The following RXFP1 variants were observed in gnomAD, a reference collection of about 807,000 sequenced individuals.
RXFP1 encodes relaxin receptor 1.
A neutral mutation model predicts 89.8 loss-of-function variants in RXFP1; 73 were observed. The observed-to-expected ratio is 0.81, with a 90% CI of 0.67 to 0.99. The LOEUF (loss-of-function observed/expected upper bound fraction) is 0.99, where lower values mean the gene tolerates loss of function less well. Ranked by LOEUF, RXFP1 falls within the 50% of genes least tolerant of loss-of-function variation. The pLI, the probability that RXFP1 is intolerant of heterozygous loss-of-function variation, is 0.00. For synonymous variants in RXFP1, 277 were observed against 305.5 expected, an observed-to-expected ratio of 0.91 and a Z score of 0.97; for missense variants, 793 against 895.5, an observed-to-expected ratio of 0.89 and a Z score of 1.46.
chr4:158,547,177 G>A lies in RXFP1; in HGVS notation c.49+25152G>A, dbSNP rs146495043. On this transcript the variant is annotated intron_variant, in intron 1 of 17. Transcript: ENST00000307765. Reference sequence around the variant, plus strand: ...TCAACTTCTTCCTGGTTTAGTCTTGGGGGGGTGTATGTTTTGAGGAATTTA... The same window carrying A: ...TCAACTTCTTCCTGGTTTAGTCTTGAGGGGGTGTATGTTTTGAGGAATTTA... Among the ~76,000 whole-genome samples the A allele has an allele frequency of 9.8e-3, 1,499 of 152,184 alleles. 24 individuals carry two copies. Among genetic ancestry groups the A allele is most frequent in the African/African-American group, 0.033 (1,386 of 41,510 alleles).
At chr4:158,599,636 T>G (rs915255625) in intron 4 of RXFP1, among the ~76,000 whole-genome samples, 1 of 152,190 alleles carries the variant, frequency 6.6e-6, no homozygotes, top group African/African-American at 2.4e-5. Flanking sequence ...TATTAACCCC[T>G]CATAATAATC....
chr4:158,541,647 A>G (rs747396931), intron 1 of RXFP1, among the ~76,000 whole-genome samples: 1 of 152,102 alleles, frequency 6.6e-6, no homozygotes, highest in Non-Finnish European at 1.5e-5. Flanking sequence ...CATAGTTAAC[A>G]CTTTTCCCCA....
intron 2 of RXFP1, among the ~76,000 whole-genome samples, chr4:158,588,833 A>T (rs1354990995): frequency 1.3e-5 from 2 of 152,158 alleles, no homozygotes; most frequent in Non-Finnish European, 2.9e-5. Context: ...ATTTGTATGC[A>T]TTTGCTCCTC....
chr4:158,568,163 C>G (rs1037029859), intron 1 of RXFP1, among the ~76,000 whole-genome samples: 2 of 152,152 alleles, frequency 1.3e-5, no homozygotes, highest in African/African-American at 4.8e-5. Context: ...GGAAGAAACT[C>G]CAAACAAATC....
chr4:158,576,785 C>G (rs1443446748), intron 2 of RXFP1, among the ~76,000 whole-genome samples: 2 of 152,118 alleles, frequency 1.3e-5, no homozygotes, highest in East Asian at 3.8e-4. Context: ...TTCAAAACCT[C>G]AAAGATGCCC....
chr4:158,643,468 G>GTTTTTTTTT, intron 14 of RXFP1, among the ~76,000 whole-genome samples: 1 of 112,818 alleles, frequency 8.9e-6, no homozygotes, highest in Non-Finnish European at 1.7e-5. Context: ...TCATATGCTA[G>GTTTTTTTTT]TTTTTTTTTT....
intron 1 of RXFP1, chr4:158,543,870 G>C: frequency 5.1e-6 from 5 of 985,152 alleles, no homozygotes; most frequent in Non-Finnish European, 6.0e-6. Flanking sequence ...TGCCAAATTT[G>C]CCCATCAATT....
chr4:158,604,126 C>G (rs1762174153), intron 4 of RXFP1, among the ~76,000 whole-genome samples: 1 of 151,838 alleles, frequency 6.6e-6, no homozygotes, highest in Non-Finnish European at 1.5e-5. Flanking sequence ...GGATTCATCA[C>G]CAAGTTTAAG....
In RXFP1 at chr4:158,630,068, C is replaced by A. The variant is rs1767736585; in HGVS notation, c.899+1359C>A. 2.6e-5 allele frequency among the ~76,000 whole-genome samples: 4 copies of A among 152,234 alleles called. No individual in the cohort carries two copies. In the South Asian group the frequency reaches 8.3e-4, roughly 32 times the overall value. On this transcript the variant is annotated intron_variant, in intron 11 of 17. Coordinates refer to ENST00000307765, the MANE Select transcript of RXFP1 (RefSeq NM_021634.4). The stretch of plus-strand genomic sequence containing the variant: ...TGTTATGAAAATAACACCAGGACAC[C>A]TTACTTGGGCACTCAAGAAGTTACA...
chr4:158,583,812 G>A (rs1156644995), intron 2 of RXFP1, among the ~76,000 whole-genome samples: 8 of 152,172 alleles, frequency 5.3e-5, no homozygotes, highest in Non-Finnish European at 1.0e-4. Flanking sequence ...TAATTTGTTA[G>A]TGGCCTCAAT....
intron 9 of RXFP1, among the ~76,000 whole-genome samples, chr4:158,626,521 C>T (rs1766865588): frequency 6.6e-6 from 1 of 152,048 alleles, no homozygotes; most frequent in African/African-American, 2.4e-5. Context: ...AGGTGTTTAT[C>T]ATAACAAATG....
At chr4:158,572,856 C>G in intron 2 of RXFP1, 21 bp downstream of exon 2, 1 of 1,612,938 alleles carries the variant, frequency 6.2e-7, no homozygotes, top group African/African-American at 1.3e-5. Flanking sequence ...CCCCTGCAGT[C>G]ACGGTGAGAG....
chr4:158,627,001 T>G (rs1231785895), intron 10 of RXFP1, 110 bp downstream of exon 10: 1 of 500,154 alleles, frequency 2.0e-6, no homozygotes, highest in African/African-American at 2.0e-5. Context: ...GAGTCTGTTG[T>G]TGGATCTCAG....
intron 1 of RXFP1, among the ~76,000 whole-genome samples, chr4:158,565,443 G>T (rs572483076): frequency 1.2e-4 from 18 of 152,154 alleles, no homozygotes; most frequent in Non-Finnish European, 2.4e-4. Context: ...AGCTTACCTT[G>T]TGTCTACATC....
Position 158,609,629 on chromosome 4 carries a change from C to G in RXFP1, c.536+1586C>G, listed in dbSNP as rs138334990. Among the ~76,000 whole-genome samples the G allele has an allele frequency of 3.3e-3, 502 of 152,206 alleles. 3 individuals are homozygous for G. Among genetic ancestry groups the G allele is most frequent in the African/African-American group, 0.012 (482 of 41,530 alleles). Reference sequence around the variant, plus strand: ...GTGGTATCAGAGTTTGGGATTGAGTCGAGAAGAGCACCTAGTAATTTACTA... The same window carrying G: ...GTGGTATCAGAGTTTGGGATTGAGTGGAGAAGAGCACCTAGTAATTTACTA... On this transcript the variant is annotated intron_variant, in intron 6 of 17. Transcript: ENST00000307765.
chr4:158,624,157 C>A (rs1766234963), intron 9 of RXFP1, among the ~76,000 whole-genome samples: 2 of 152,096 alleles, frequency 1.3e-5, no homozygotes, highest in Non-Finnish European at 2.9e-5. Flanking sequence ...ATACACAAAC[C>A]AAACTCAAGA....
rs548894039 is a variant in RXFP1, at chr4:158,591,740, C to T, written c.188-1661C>T. Among the ~76,000 whole-genome samples the T allele has an allele frequency of 3.2e-3, 483 of 152,138 alleles. 5 individuals carry two copies. The highest frequency in any genetic ancestry group is 0.011 in the African/African-American group (460 of 41,510). On this transcript the variant is annotated intron_variant, in intron 2 of 17. Transcript: ENST00000307765. ...TTCCAGCCTCAGTGACAGAGCAAGACGCTGTCTCAAAAAACTTTTTTAATT... is the reference window on the plus strand; with the variant it reads ...TTCCAGCCTCAGTGACAGAGCAAGATGCTGTCTCAAAAAACTTTTTTAATT...
At chr4:158,606,442 A>G (rs1439656428) in intron 5 of RXFP1, among the ~76,000 whole-genome samples, 2 of 152,234 alleles carry the variant, frequency 1.3e-5, no homozygotes, top group African/African-American at 2.4e-5. Context: ...TTAAAAGTCT[A>G]TACCTTTAGA....
chr4:158,529,003 C>T (rs1329082173), intron 1 of RXFP1, among the ~76,000 whole-genome samples: 3 of 152,194 alleles, frequency 2.0e-5, no homozygotes, highest in East Asian at 1.9e-4. Flanking sequence ...ATATCCCTAA[C>T]CTTACTGTTT....
Sources: allele counts gnomAD v4.1 joint callset (sites outside exome capture counted in the v4.1 genomes callset), GRCh38; gene constraint gnomAD v4.1.1; transcripts MANE v1.5; gene names NCBI Gene and HGNC (gene_info 2026-07-23, HGNC 2026-07-21).